DSCAM: variants seen among roughly 807,000 people sequenced by gnomAD.
DSCAM encodes DS cell adhesion molecule.
A neutral mutation model predicts 217.7 loss-of-function variants in DSCAM; 47 were observed. The observed-to-expected ratio is 0.22, with a 90% CI of 0.17 to 0.28. DSCAM has a LOEUF of 0.28. DSCAM is among the 10% of genes least tolerant of loss of function. DSCAM has a pLI of 1.00. For synonymous variants in DSCAM, 1,056 were observed against 1,015.3 expected (o/e 1.04, Z -0.76); for missense variants, 2,080 against 2,618.3 (o/e 0.79, Z 4.49).
chr21:40,770,434 T>C (rs891999294), intron 1 of DSCAM, among the ~76,000 whole-genome samples: 8 of 152,220 alleles, frequency 5.3e-5, no homozygotes, highest in African/African-American at 1.7e-4. Flanking sequence ...CACCCAAGTC[T>C]GGAACTGTAG....
chr21:40,432,696 T>C (rs527961307), intron 3 of DSCAM, among the ~76,000 whole-genome samples: 9 of 152,280 alleles, frequency 5.9e-5, no homozygotes, highest in African/African-American at 1.9e-4. Context: ...AGATGAGCTA[T>C]GAATAGATAT....
At chr21:40,520,858 A>T (rs896801360) in intron 3 of DSCAM, among the ~76,000 whole-genome samples, 1 of 152,176 alleles carries the variant, frequency 6.6e-6, no homozygotes, top group Non-Finnish European at 1.5e-5. Flanking sequence ...TGTAGTGTGT[A>T]TATAAGGAAT....
chr21:40,047,030 G>C (rs940726438), intron 30 of DSCAM, among the ~76,000 whole-genome samples: 12 of 151,846 alleles, frequency 7.9e-5, no homozygotes, highest in African/African-American at 2.7e-4. Flanking sequence ...TTTTTTTCTA[G>C]ATGAGGACAG....
intron 3 of DSCAM, among the ~76,000 whole-genome samples, chr21:40,407,293 G>A (rs2075287447): frequency 6.6e-6 from 1 of 152,030 alleles, no homozygotes; most frequent in Non-Finnish European, 1.5e-5. Flanking sequence ...ATTTTTATGT[G>A]TCCACTAAAA....
intron 1 of DSCAM, among the ~76,000 whole-genome samples, chr21:40,827,441 C>T (rs1043450748): frequency 5.9e-5 from 8 of 135,040 alleles, no homozygotes; most frequent in African/African-American, 2.2e-4. Context: ...TGCATGCCAG[C>T]CTAGGCCACA....
intron 3 of DSCAM, among the ~76,000 whole-genome samples, chr21:40,438,831 C>G (rs143363233): frequency 6.6e-6 from 1 of 152,086 alleles, no homozygotes; most frequent in Non-Finnish European, 1.5e-5. Context: ...GAGTTGGATT[C>G]ACAGATTTCA....
intron 3 of DSCAM, among the ~76,000 whole-genome samples, chr21:40,539,504 GAAAAAGAAAAA>G (rs1338637140): frequency 6.9e-6 from 1 of 145,474 alleles, no homozygotes; most frequent in East Asian, 2.0e-4. Flanking sequence ...TCAAAAAAAA[GAAAAAGAAAAA>G]AAAAAGAAAA....
intron 3 of DSCAM, among the ~76,000 whole-genome samples, chr21:40,437,576 GGT>G (rs1434831417): frequency 1.3e-5 from 2 of 151,990 alleles, no homozygotes; most frequent in Non-Finnish European, 2.9e-5. Context: ...GCCAGCCAGG[GGT>G]GGTGGCTCAC....
At chr21:40,498,781 GTATATATA>G (rs1166919235) in intron 3 of DSCAM, among the ~76,000 whole-genome samples, 661 of 25,876 alleles carry the variant, frequency 0.026, 20 homozygotes, top group East Asian at 0.19. Context: ...ATATGGGTGT[GTATATATA>G]TATATATATA....
intron 3 of DSCAM, among the ~76,000 whole-genome samples, chr21:40,508,789 T>A (rs1304588450): frequency 2.5e-4 from 28 of 110,858 alleles, no homozygotes; most frequent in Non-Finnish European, 3.7e-4. Flanking sequence ...ATATATTTTT[T>A]TTTTTTTTTT....
rs187550475 is a variant in DSCAM at position 40,019,760 on chromosome 21, C to A, written c.5687-6374G>T. 2.9e-3 allele frequency among the ~76,000 whole-genome samples: 441 copies of A among 152,278 alleles called. 4 individuals carry two copies. Among genetic ancestry groups the A allele is most frequent in the Admixed American group, 4.1e-3 (62 of 15,298 alleles). ...ATCCCTGTGTGTAAATCTATCATTG[C>A]CATAAACACTGGCAAAGGCAAATGC... On this transcript the variant is annotated intron_variant, in intron 32 of 32. Transcript: ENST00000400454.
At chr21:40,205,602 CAAAAAAAAA>C (rs35725347) in intron 11 of DSCAM, among the ~76,000 whole-genome samples, 2 of 83,514 alleles carry the variant, frequency 2.4e-5, no homozygotes, top group African/African-American at 7.5e-5. Flanking sequence ...GACTCTATCT[CAAAAAAAAA>C]AAAAAAAAAA....
At chr21:40,096,962 TAAAG>T (rs894116454) in intron 20 of DSCAM, among the ~76,000 whole-genome samples, 1 of 152,042 alleles carries the variant, frequency 6.6e-6, no homozygotes, top group African/African-American at 2.4e-5. Flanking sequence ...TGAAAGTGAA[TAAAG>T]ACTTTTTTCA....
chr21:40,817,865 G>C (rs539986139), intron 1 of DSCAM, among the ~76,000 whole-genome samples: 6 of 151,702 alleles, frequency 4.0e-5, no homozygotes, highest in African/African-American at 1.5e-4. Context: ...GGGAGGCCGA[G>C]GCGGGTGGAT....
At chr21:40,328,412 C>G (rs190466564) in intron 8 of DSCAM, among the ~76,000 whole-genome samples, 153 of 152,150 alleles carry the variant, frequency 1.0e-3, no homozygotes, top group African/African-American at 3.6e-3. Flanking sequence ...TAGATACCCA[C>G]AAGCAGAAAA....
At chr21:40,117,343 G>T (rs1675600667) in intron 20 of DSCAM, among the ~76,000 whole-genome samples, 1 of 152,162 alleles carries the variant, frequency 6.6e-6, no homozygotes, top group African/African-American at 2.4e-5. Flanking sequence ...TCAAAGTGAG[G>T]TTGAAAGTCA....
intron 1 of DSCAM, among the ~76,000 whole-genome samples, chr21:40,790,541 C>T (rs2091632830): frequency 6.6e-6 from 1 of 152,086 alleles, no homozygotes; most frequent in Non-Finnish European, 1.5e-5. Context: ...GAGAATTCAC[C>T]ATCCTTCATG....
At chr21:40,097,957 AGAAAGAAAGAAAGAAAGAAAGAAAG>A (rs1304110385) in intron 20 of DSCAM, among the ~76,000 whole-genome samples, 875 of 59,028 alleles carry the variant, frequency 0.015, 200 homozygotes, top group African/African-American at 0.06. Context: ...AAAAAAAAAA[AGAAAGAAAGAAAGAAAGAAAGAAAG>A]AAAGAAAGAA....
intron 3 of DSCAM, among the ~76,000 whole-genome samples, chr21:40,628,930 G>A (rs984114015): frequency 6.6e-6 from 1 of 151,992 alleles, no homozygotes; most frequent in Non-Finnish European, 1.5e-5. Flanking sequence ...AATTTTTTTG[G>A]AGAGATGGGG....
Sources: gnomAD v4.1 joint callset for allele counts (sites outside exome capture counted in the v4.1 genomes callset) on GRCh38, gnomAD v4.1.1 for gene constraint, MANE v1.5 for transcripts, NCBI Gene and HGNC (gene_info 2026-07-23, HGNC 2026-07-21) for gene names.